Variants in ACTL6A observed in about 807,000 individuals in gnomAD.
ACTL6A encodes the protein actin-like protein 6A.
ACTL6A carries 5 observed loss-of-function variants against 59.2 expected under a neutral mutation model. The ratio of observed to expected loss-of-function variants is 0.08; its 90% CI spans 0.04 to 0.18. The LOEUF is 0.18. ACTL6A is among the 10% of genes least tolerant of loss of function. The pLI is 1.00. For synonymous variants in ACTL6A, 154 were observed against 171.8 expected (o/e 0.90, Z 0.81); for missense variants, 285 against 526.9 (o/e 0.54, Z 4.49).
intron 13 of ACTL6A, 59 bp downstream of exon 13, chr3:179,586,691 A>G: frequency 7.6e-7 from 1 of 1,309,686 alleles, no homozygotes; most frequent in Non-Finnish European, 1.1e-6. Flanking sequence ...AATTTAGTAA[A>G]AATACAAAAA....
In ACTL6A at chr3:179,563,231, C is replaced by A. The variant is rs1172853765; in HGVS notation, c.25+114C>A. 83 of 1,454,644 alleles carry A rather than the reference C, an allele frequency of 5.7e-5. No homozygotes were observed. In the East Asian group the frequency reaches 2.0e-3, roughly 36 times the overall value. 90.1% of individuals were successfully genotyped at this position (1,454,644 alleles called of 1,614,324 possible). On this transcript the variant is annotated intron_variant, in intron 1 of 13. Transcript: ENST00000429709. ...CCCTTCCGGTCTCCCCCTCTCGGGACCCCGGCCTCCCCGCCCCGTCCCCGC... is the reference window on the plus strand; with the variant it reads ...CCCTTCCGGTCTCCCCCTCTCGGGAACCCGGCCTCCCCGCCCCGTCCCCGC...
At chr3:179,584,976 A>G (rs1231630537) in intron 12 of ACTL6A, among the ~76,000 whole-genome samples, 1 of 152,234 alleles carries the variant, frequency 6.6e-6, no homozygotes, top group African/African-American at 2.4e-5. Context: ...CTATTATTAA[A>G]AGTGATATCT....
intron 1 of ACTL6A, among the ~76,000 whole-genome samples, chr3:179,565,608 G>A (rs938288358): frequency 1.5e-4 from 22 of 150,802 alleles, no homozygotes; most frequent in Admixed American, 3.4e-4. Flanking sequence ...GATGATGGAG[G>A]AGGAGTGGAA....
At chr3:179,574,076 T>C (rs942912595) in intron 4 of ACTL6A, among the ~76,000 whole-genome samples, 1 of 152,168 alleles carries the variant, frequency 6.6e-6, no homozygotes, top group Admixed American at 6.5e-5. Flanking sequence ...GATTTAATAA[T>C]ATGTTTATAA....
chr3:179,564,746 G>C (rs1365171094), intron 1 of ACTL6A, among the ~76,000 whole-genome samples: 1 of 152,172 alleles, frequency 6.6e-6, no homozygotes, highest in African/African-American at 2.4e-5. Context: ...TTGAGTACTT[G>C]CTATGTGGCA....
chr3:179,577,505 C>A (rs1459812369), intron 8 of ACTL6A, among the ~76,000 whole-genome samples: 3 of 151,860 alleles, frequency 2.0e-5, no homozygotes, highest in African/African-American at 4.8e-5. Flanking sequence ...AAAACTGTTA[C>A]TTTAGGTTCA....
At chr3:179,581,354 A>T in intron 11 of ACTL6A, 134 bp downstream of exon 11, 2 of 726,542 alleles carry the variant, frequency 2.8e-6, no homozygotes, top group Non-Finnish European at 4.7e-6. Context: ...ATAACAGTAT[A>T]TGTAAAAAGA....
At chr3:179,586,119 GGATA>G (rs1408932047) in intron 12 of ACTL6A, among the ~76,000 whole-genome samples, 1 of 152,136 alleles carries the variant, frequency 6.6e-6, no homozygotes, top group Non-Finnish European at 1.5e-5. Flanking sequence ...TGCTATTTTA[GGATA>G]GAAATTGTGA....
intron 12 of ACTL6A, 41 bp from the exon 13 acceptor site, chr3:179,586,505 C>T: frequency 8.1e-7 from 1 of 1,228,468 alleles, no homozygotes. Flanking sequence ...TAAGTTGAGT[C>T]ACAAGATTTG....
chr3:179,587,598 G>T (rs1718544190), intron 13 of ACTL6A, among the ~76,000 whole-genome samples: 1 of 152,006 alleles, frequency 6.6e-6, no homozygotes, highest in Non-Finnish European at 1.5e-5. Flanking sequence ...AAAAACGCTG[G>T]TGCAGTGGCT....
intron 5 of ACTL6A, chr3:179,575,323 T>C: frequency 2.2e-6 from 1 of 453,588 alleles, no homozygotes; most frequent in Non-Finnish European, 4.4e-6. Context: ...CCCCAGATTT[T>C]ACTATTGAAT....
At chr3:179,577,501 G>GT (rs1395977183) in intron 8 of ACTL6A, among the ~76,000 whole-genome samples, 2 of 151,876 alleles carry the variant, frequency 1.3e-5, no homozygotes, top group East Asian at 1.9e-4. Context: ...AAAAAAAACT[G>GT]TTACTTTAGG....
intron 2 of ACTL6A, 53 bp downstream of exon 2, chr3:179,569,953 A>C: frequency 2.0e-5 from 31 of 1,585,916 alleles, no homozygotes; most frequent in Non-Finnish European, 2.7e-5. Context: ...ATGTAAATTA[A>C]ATTTATGCAG....
At chr3:179,573,530 T>G in intron 4 of ACTL6A, 61 bp downstream of exon 4, 1 of 929,140 alleles carries the variant, frequency 1.1e-6, no homozygotes, top group Non-Finnish European at 1.5e-6. Flanking sequence ...CTTTTTTTTT[T>G]CCTTTAGTTT....
rs1277331979 is a variant in ACTL6A, at chr3:179,588,024, A to T, written c.*14A>T. 1 of 1,579,698 alleles carries T rather than the reference A, an allele frequency of 6.3e-7. No individual in the cohort carries two copies. Among genetic ancestry groups the T allele is most frequent in the East Asian group, 2.3e-5 (1 of 43,658 alleles). The stretch of plus-strand genomic sequence containing the variant: ...AAATGCCCTTGAGAAAGAGTTCCCA[A>T]GCTTCTACCTTCCTTTTGTCACCTT... On this transcript the variant is annotated 3_prime_UTR_variant, in exon 14 of 14. Transcript: ENST00000429709.
At chr3:179,580,590 T>A (rs757773733) in intron 8 of ACTL6A, 50 bp from the exon 9 acceptor site, 1 of 1,287,216 alleles carries the variant, frequency 7.8e-7, no homozygotes, top group Non-Finnish European at 1.1e-6. Flanking sequence ...AAGTATAGAT[T>A]ACAAAGATAA....
In ACTL6A at chr3:179,570,748, T is replaced by TCAGTAGCAGGAAAGGTAGGCAGAGAG. The variant is rs1560010407; in HGVS notation, c.277+530_277+555dup. On this transcript the variant is annotated intron_variant, in intron 3 of 13. Coordinates refer to ENST00000429709, the MANE Select transcript of ACTL6A (RefSeq NM_004301.5). The surrounding 1 kb of genome is among the most constrained non-coding windows in gnomAD (Gnocchi z 4.3). ...GGTTGCAGCATTGGGCTTATTAGGG[T>TCAGTAGCAGGAAAGGTAGGCAGAGAG]CAGTAGCAGGAAAGGTAGGCAGAGA... Among the ~76,000 whole-genome samples the TCAGTAGCAGGAAAGGTAGGCAGAGAG allele has an allele frequency of 9.2e-5, 14 of 152,036 alleles. No individual in the cohort carries two copies. The highest frequency in any genetic ancestry group is 1.8e-4 in the Non-Finnish European group (12 of 68,012).
chr3:179,584,727 G>A (rs2108371049), intron 12 of ACTL6A, among the ~76,000 whole-genome samples: 1 of 152,244 alleles, frequency 6.6e-6, no homozygotes, highest in Non-Finnish European at 1.5e-5. Context: ...GGAGGTTGCA[G>A]TAAGCCGAGA....
chr3:179,562,955 C>T lies in ACTL6A; in HGVS notation c.-138C>T, dbSNP rs765151682. ...GTGGCTGAGCTCCGGGGTGTGTGGA[C>T]GCCGCTTTGTTGCCTGAGGTGGGTG... On this transcript the variant is annotated 5_prime_UTR_variant, in exon 1 of 14. It adds an upstream start codon to the 5' untranslated region. Coordinates refer to ENST00000429709, the MANE Select transcript of ACTL6A (RefSeq NM_004301.5). 3.9e-5 allele frequency: 45 copies of T among 1,153,136 alleles called. No individual in the cohort carries two copies. The highest frequency in any genetic ancestry group is 3.2e-4 in the African/African-American group (21 of 65,698). The allele number at this position is 1,153,136 out of a possible 1,614,324, so 71.4% of individuals were successfully genotyped here.
Sources: gnomAD v4.1 joint callset for allele counts (sites outside exome capture counted in the v4.1 genomes callset) on GRCh38, gnomAD v4.1.1 for gene constraint, Gnocchi (gnomAD v3.1) non-coding constraint, MANE v1.5 for transcripts, NCBI Gene and HGNC (gene_info 2026-07-23, HGNC 2026-07-21) for gene names.